The following STX1B variants were observed in gnomAD, a reference collection of about 807,000 sequenced individuals.
The protein encoded by STX1B is syntaxin-1B.
In STX1B, 7 loss-of-function variants were observed where a neutral mutation model predicts 39.4. The observed-to-expected ratio is 0.18, with a 90% CI of 0.10 to 0.33. The LOEUF is 0.33. STX1B is among the 10% of genes least tolerant of loss of function. STX1B has a pLI of 1.00. For missense variants in STX1B, 198 were observed against 383.2 expected (o/e 0.52, Z 4.04); for synonymous variants, 136 against 144.1 (o/e 0.94, Z 0.40).
intron 1 of STX1B, among the ~76,000 whole-genome samples, chr16:31,002,427 G>A (rs2143680691): frequency 1.3e-5 from 2 of 150,968 alleles, no homozygotes; most frequent in East Asian, 3.9e-4. Context: ...AGGCACACAG[G>A]AATAGGCCCC....
intron 1 of STX1B, among the ~76,000 whole-genome samples, chr16:31,005,392 G>A (rs2056649832): frequency 2.0e-5 from 3 of 151,996 alleles, no homozygotes; most frequent in Admixed American, 2.0e-4. Context: ...TGCAAATCGA[G>A]GATGTAACAT....
At position 30,996,942 on chromosome 16, in the gene STX1B, C is replaced by A. The variant is rs779132969; in HGVS notation, c.463+9G>T. On this transcript the variant is annotated intron_variant, in intron 6 of 9. Transcript: ENST00000215095. Reference sequence around the variant, plus strand: ...GAGTTCGGGGTCCTGGGGTGGGGGGCACACGCACTGATCTCCAGTTGCCGC... The same window carrying A: ...GAGTTCGGGGTCCTGGGGTGGGGGGAACACGCACTGATCTCCAGTTGCCGC... 29 of 1,608,804 alleles carry A rather than the reference C, an allele frequency of 1.8e-5. No individual in the cohort carries two copies. Among genetic ancestry groups the A allele is most frequent in the Non-Finnish European group, 2.5e-6 (3 of 1,176,998 alleles).
chr16:31,001,488 T>TGGGGCTGGGGCTGGGGCTGGGGGCC lies in STX1B; in HGVS notation c.105+16_105+40dup. On this transcript the variant is annotated intron_variant, in intron 2 of 9. Transcript: ENST00000215095. The surrounding 1 kb of genome is among the most constrained non-coding windows in gnomAD (Gnocchi z 5.5). Reference sequence around the variant, plus strand: ...GGGACTAGGGGCTGGGGCTGGGTGCTGGGGCTGGGGCTGGGGCTGGGGGCC... The same window carrying TGGGGCTGGGGCTGGGGCTGGGGGCC: ...GGGACTAGGGGCTGGGGCTGGGTGCTGGGGCTGGGGCTGGGGCTGGGGGCCGGGGCTGGGGCTGGGGCTGGGGGCC... The TGGGGCTGGGGCTGGGGCTGGGGGCC allele has an allele frequency of 8.3e-7, 1 of 1,209,238 alleles. No individual in the cohort carries two copies. The highest frequency in any genetic ancestry group is 1.1e-6 in the Non-Finnish European group (1 of 928,576). The allele number at this position is 1,209,238 out of a possible 1,614,324, so 74.9% of individuals were successfully genotyped here. A position where few individuals can be genotyped will look rare whatever the true frequency, so the allele number is the denominator to read the frequency against.
In STX1B at chr16:30,990,541, T is replaced by TACAATGC. The variant is rs2056548575; in HGVS notation, c.*2279_*2280insGCATTGT. 2.0e-5 allele frequency: 3 copies of TACAATGC among 152,296 alleles called. No homozygotes were observed. The highest frequency in any genetic ancestry group is 7.2e-5 in the African/African-American group (3 of 41,422). The allele number at this position is 152,296 out of a possible 1,614,324, so 9.4% of individuals were successfully genotyped here. ...ATGCACACACAATGCACACACAATG[T>TACAATGC]ACACACACATACAATGCACACACAC... On this transcript the variant is annotated 3_prime_UTR_variant, in exon 10 of 10. Transcript: ENST00000215095.
intron 7 of STX1B, 35 bp from the exon 8 acceptor site, chr16:30,993,519 T>G: frequency 6.2e-7 from 1 of 1,609,510 alleles, no homozygotes; most frequent in East Asian, 2.2e-5. Context: ...CAATCACCCT[T>G]CTCCGCCATG....
rs2143679877 is a variant in STX1B, at chr16:31,001,957, G to A, written c.31-354C>T. Among the ~76,000 whole-genome samples, 1 of 152,238 alleles carries A rather than the reference G, an allele frequency of 6.6e-6. No individual in the cohort carries two copies. Among genetic ancestry groups the A allele is most frequent in the African/African-American group, 2.4e-5 (1 of 41,538 alleles). ...ACCCTGGGCTCCATGAAGGGTCCTG[G>A]ACTAGAGTCCCGGGAGCCTGGATCT... On this transcript the variant is annotated intron_variant, in intron 1 of 9. Transcript: ENST00000215095. This position sits in a 1 kb window ranked among gnomAD's most constrained non-coding sequence, Gnocchi z 5.5.
intron 7 of STX1B, among the ~76,000 whole-genome samples, chr16:30,995,557 T>A: frequency 6.6e-6 from 1 of 151,582 alleles, no homozygotes; most frequent in Non-Finnish European, 1.5e-5. Flanking sequence ...AGTGGCAAGA[T>A]CTCGGCTCAC....
Position 30,992,568 on chromosome 16 carries a change from C to T in STX1B, c.*253G>A. ...CACGCACGCTGGGGTGTCCACACGT[C>T]TCGAGCATGTGCCGGCGGCATGCAT... On this transcript the variant is annotated 3_prime_UTR_variant, in exon 10 of 10. Transcript: ENST00000215095. 2.1e-6 allele frequency: 1 copy of T among 475,424 alleles called. No homozygotes were observed. The highest frequency in any genetic ancestry group is 3.8e-6 in the Non-Finnish European group (1 of 263,142). 29.5% of individuals were successfully genotyped at this position (475,424 alleles called of 1,614,324 possible).
Position 30,997,498 on chromosome 16 carries a change from C to A in STX1B, c.354+4G>T. The stretch of plus-strand genomic sequence containing the variant: ...CCGACCCCCAATGGGCTGCCGCCTC[C>A]TACCTGGGTCTTGCGGATGCGCAGG... On this transcript the variant is annotated splice_donor_region_variant and intron_variant, in intron 5 of 9. Coordinates refer to ENST00000215095, the MANE Select transcript of STX1B (RefSeq NM_052874.5). 1 of 1,602,720 alleles carries A rather than the reference C, an allele frequency of 6.2e-7. No individual in the cohort carries two copies. The highest frequency in any genetic ancestry group is 8.5e-7 in the Non-Finnish European group (1 of 1,175,656).
rs1311647608 is a variant in STX1B at position 31,001,308 on chromosome 16, C to T, written c.106-115G>A. The T allele has an allele frequency of 2.8e-6, 3 of 1,058,854 alleles. No individual in the cohort carries two copies. The highest frequency in any genetic ancestry group is 2.8e-6 in the Non-Finnish European group (2 of 706,346). 65.6% of individuals were successfully genotyped at this position (1,058,854 alleles called of 1,614,324 possible). ...AGCCCCAGAACGGCTGATAAAAGGC[C>T]AGGGAGGGTGCAGGAGCAGGGAAGT... On this transcript the variant is annotated intron_variant, in intron 2 of 9. Coordinates refer to ENST00000215095, the MANE Select transcript of STX1B (RefSeq NM_052874.5). The surrounding 1 kb of genome is among the most constrained non-coding windows in gnomAD (Gnocchi z 5.5).
intron 7 of STX1B, among the ~76,000 whole-genome samples, chr16:30,993,848 G>A (rs1294136668): frequency 6.6e-6 from 1 of 152,148 alleles, no homozygotes; most frequent in African/African-American, 2.4e-5. Flanking sequence ...AGCCTGGTGT[G>A]GTGGTGGGCA....
intron 1 of STX1B, among the ~76,000 whole-genome samples, chr16:31,005,079 C>T (rs1283353411): frequency 1.3e-5 from 2 of 152,328 alleles, no homozygotes; most frequent in South Asian, 2.1e-4. Flanking sequence ...TCCCAGCCTC[C>T]GTCTGTCTTG....
chr16:30,992,640 A>C lies in STX1B; in HGVS notation c.*181T>G, dbSNP rs1229383290. On this transcript the variant is annotated 3_prime_UTR_variant, in exon 10 of 10. Transcript: ENST00000215095. ...CGCCTGCTGCGATCTACGTGCGGGG[A>C]CGGGGGGGGGGTCCATGGCCCGGTG... The C allele has an allele frequency of 1.4e-5, 5 of 363,428 alleles. No homozygotes were observed. The highest frequency in any genetic ancestry group is 2.3e-5 in the Non-Finnish European group (5 of 214,524). The allele number at this position is 363,428 out of a possible 1,614,324, so 22.5% of individuals were successfully genotyped here. A position where few individuals can be genotyped will look rare whatever the true frequency, so the allele number is the denominator to read the frequency against.
Position 30,993,230 on chromosome 16 carries a change from A to G in STX1B, c.686T>C (p.Ile229Thr). ...AMLVESQGEM[I>T]DRIEYNVEHS... ...TTCCACGTTGTACTCGATGCGGTCA[A>G]TCATCTCTCCCTGCAGACAGAGGAG... The change falls in exon 9 of 10, where the codon ATT becomes ACT. Residue 229 changes from isoleucine (I) to threonine (T), a missense_variant. Transcript: ENST00000215095. 6.2e-7 allele frequency: 1 copy of G among 1,614,208 alleles called. No homozygotes were observed. Among genetic ancestry groups the G allele is most frequent in the Non-Finnish European group, 8.5e-7 (1 of 1,180,032 alleles).
intron 1 of STX1B, among the ~76,000 whole-genome samples, chr16:31,006,611 T>A (rs1472208550): frequency 6.6e-6 from 1 of 151,830 alleles, no homozygotes; most frequent in Admixed American, 6.6e-5. Flanking sequence ...GACATGGGAA[T>A]TGGGGGGGAT....
At position 31,000,923 on chromosome 16, in the gene STX1B, C is replaced by T; in HGVS notation, c.280+5G>A. On this transcript the variant is annotated splice_donor_5th_base_variant and intron_variant, in intron 4 of 9. Coordinates refer to ENST00000215095, the MANE Select transcript of STX1B (RefSeq NM_052874.5). ...CCTTCCTGGTTGAGGGATTGTACTC[C>T]TCACCTTTCAATTTGGACCGAACCT... 6.2e-7 allele frequency: 1 copy of T among 1,614,130 alleles called. No individual in the cohort carries two copies. Among genetic ancestry groups the T allele is most frequent in the Non-Finnish European group, 8.5e-7 (1 of 1,179,984 alleles).
intron 4 of STX1B, among the ~76,000 whole-genome samples, chr16:31,000,141 G>A (rs1244946860): frequency 6.6e-6 from 1 of 150,742 alleles, no homozygotes; most frequent in Non-Finnish European, 1.5e-5. Flanking sequence ...GGGATTACAG[G>A]CGCCTGCCAC....
intron 1 of STX1B, among the ~76,000 whole-genome samples, chr16:31,006,980 G>A (rs1237626074): frequency 6.6e-6 from 1 of 152,108 alleles, no homozygotes; most frequent in African/African-American, 2.4e-5. Flanking sequence ...GCATGGTGGT[G>A]CGCATCTGTA....
intron 1 of STX1B, among the ~76,000 whole-genome samples, chr16:31,007,070 C>T (rs543380257): frequency 3.3e-5 from 5 of 152,114 alleles, no homozygotes; most frequent in African/African-American, 9.7e-5. Flanking sequence ...GTGATTGCAC[C>T]GCTGCACTCC....
Sources: gnomAD v4.1 joint callset for allele counts (sites outside exome capture counted in the v4.1 genomes callset) on GRCh38, gnomAD v4.1.1 for gene constraint, Gnocchi (gnomAD v3.1) non-coding constraint, MANE v1.5 for transcripts, NCBI Gene and HGNC (gene_info 2026-07-23, HGNC 2026-07-21) for gene names.